The following SENP2 variants were observed in gnomAD, a reference collection of about 807,000 sequenced individuals.
SENP2 encodes the protein SUMO specific peptidase 2, also known as sentrin-specific protease 2.
A neutral mutation model predicts 86.3 loss-of-function variants in SENP2; 16 were observed. The observed-to-expected ratio is 0.19, with a 90% CI of 0.13 to 0.28. The LOEUF (loss-of-function observed/expected upper bound fraction) is 0.28. Among genes scored for constraint, SENP2 ranks in the 10% least tolerant of loss-of-function variants. The pLI is 1.00. For synonymous variants in SENP2, 222 were observed against 238.7 expected, an observed-to-expected ratio of 0.93 and a Z score of 0.64; for missense variants, 552 against 703.0, an observed-to-expected ratio of 0.79 and a Z score of 2.43.
intron 2 of SENP2, among the ~76,000 whole-genome samples, chr3:185,597,797 G>A (rs1168001272): frequency 6.6e-6 from 1 of 151,182 alleles, no homozygotes. Flanking sequence ...GGGATTATAG[G>A]GATGCGCCAC....
At chr3:185,612,946 G>T (rs1722743298) in intron 9 of SENP2, among the ~76,000 whole-genome samples, 1 of 152,222 alleles carries the variant, frequency 6.6e-6, no homozygotes, top group Non-Finnish European at 1.5e-5. Flanking sequence ...AGTGTCTTTA[G>T]GATAGGAACA....
intron 13 of SENP2, among the ~76,000 whole-genome samples, chr3:185,621,366 A>T (rs1577741991): frequency 7.1e-6 from 1 of 139,962 alleles, no homozygotes. Flanking sequence ...ATATAAGTGG[A>T]TATCGTTTTT....
Position 185,600,874 on chromosome 3 carries a change from C to T in SENP2, c.449+19C>T. On this transcript the variant is annotated intron_variant, in intron 5 of 16. Transcript: ENST00000296257. ...CCTTTGGGTAAGTGTTAAATTCTTT[C>T]TGTAAATGGAAACTTAGCATTTATT... is the stretch of plus-strand genomic sequence containing the variant. 6.5e-7 allele frequency: 1 copy of T among 1,541,498 alleles called. No individual in the cohort carries two copies. Among genetic ancestry groups the T allele is most frequent in the Non-Finnish European group, 9.0e-7 (1 of 1,115,712 alleles).
Position 185,586,401 on chromosome 3 carries a change from G to A in SENP2, c.-13G>A, listed in dbSNP as rs760867099. The A allele has an allele frequency of 1.7e-5, 27 of 1,613,682 alleles. 1 individual carries two copies. In the East Asian group the frequency reaches 5.3e-4, roughly 32 times the overall value. ...TCGGGGTGTGTCGGCCGCCGCTGCTGCTTGGGCCTGGTATGTACAGATGGC... is the reference window on the plus strand; with the variant it reads ...TCGGGGTGTGTCGGCCGCCGCTGCTACTTGGGCCTGGTATGTACAGATGGC... On this transcript the variant is annotated 5_prime_UTR_variant, in exon 1 of 17. Coordinates refer to ENST00000296257, the MANE Select transcript of SENP2 (RefSeq NM_021627.3). The surrounding 1 kb of genome is among the most constrained non-coding windows in gnomAD (Gnocchi z 4.3).
intron 2 of SENP2, among the ~76,000 whole-genome samples, chr3:185,592,294 T>G (rs1161565762): frequency 6.6e-6 from 1 of 151,884 alleles, no homozygotes; most frequent in East Asian, 1.9e-4. Context: ...CAGGCTGATC[T>G]TGGAACTCCT....
Position 185,612,648 on chromosome 3 carries a change from A to G in SENP2, c.859A>G (p.Ser287Gly). 6.2e-7 allele frequency: 1 copy of G among 1,606,306 alleles called. No homozygotes were observed. The highest frequency in any genetic ancestry group is 8.5e-7 in the Non-Finnish European group (1 of 1,173,046). Reference sequence around the variant, plus strand: ...AAGGGGACCTCTATGTTCATTGAGAAGTGAAAAGAGGTACGTACATTCAGT... The same window carrying G: ...AAGGGGACCTCTATGTTCATTGAGAGGTGAAAAGAGGTACGTACATTCAGT... ...ETRGPLCSLR[S>G]EKRCSKGKIT... The change falls in exon 9 of 17, where the codon AGT (serine) becomes GGT (glycine). Residue 287 changes from serine to glycine, a missense_variant. Physicochemically the swap from Ser to Gly is moderately conservative, Grantham distance 56. Coordinates refer to ENST00000296257, the MANE Select transcript of SENP2 (RefSeq NM_021627.3).
In SENP2 at chr3:185,629,807, A is replaced by T. The variant is rs560978165; in HGVS notation, c.1733A>T (p.Lys578Met). ...CACCAGATGCCTCTCTTCCGGAAGA[A>T]GATGGTGTGGGAAATCCTTCATCAG... ...TQHQMPLFRK[K>M]MVWEILHQQL... The change falls in exon 17 of 17, where the codon AAG becomes ATG. Residue 578 changes from lysine to methionine, a missense_variant. Transcript: ENST00000296257. 3.0e-5 allele frequency: 48 copies of T among 1,614,076 alleles called. No individual in the cohort carries two copies. The highest frequency in any genetic ancestry group is 3.9e-5 in the Non-Finnish European group (46 of 1,180,032).
chr3:185,624,329 T>C (rs932740111), intron 15 of SENP2, among the ~76,000 whole-genome samples: 1 of 152,048 alleles, frequency 6.6e-6, no homozygotes, highest in Non-Finnish European at 1.5e-5. Context: ...AGTCTACATC[T>C]TAAGAATGAT....
rs921265550 is a variant in SENP2, at chr3:185,586,669, G to C, written c.101+155G>C. The stretch of plus-strand genomic sequence containing the variant: ...GCTCCCGCCAGGCTGTAGGGAGGCA[G>C]CTCCTGATGAAGGAGGAGCTGGTCG... On this transcript the variant is annotated intron_variant, in intron 1 of 16. Coordinates refer to ENST00000296257, the MANE Select transcript of SENP2 (RefSeq NM_021627.3). This position sits in a 1 kb window ranked among gnomAD's most constrained non-coding sequence, Gnocchi z 4.3. Among the ~76,000 whole-genome samples the C allele has an allele frequency of 1.3e-5, 2 of 152,264 alleles. No individual in the cohort carries two copies. Among genetic ancestry groups the C allele is most frequent in the African/African-American group, 4.8e-5 (2 of 41,476 alleles).
intron 2 of SENP2, among the ~76,000 whole-genome samples, chr3:185,593,469 A>AAGCACAGG (rs1426221172): frequency 6.6e-6 from 1 of 152,162 alleles, no homozygotes; most frequent in Non-Finnish European, 1.5e-5. Context: ...GTATTTCCCA[A>AAGCACAGG]AGCACAGGAT....
intron 2 of SENP2, among the ~76,000 whole-genome samples, chr3:185,596,123 G>A (rs1292260386): frequency 1.3e-5 from 2 of 151,922 alleles, no homozygotes; most frequent in African/African-American, 2.4e-5. Context: ...GTGCCATGAC[G>A]CCCAGCTAAT....
chr3:185,627,709 C>A (rs781645741), intron 16 of SENP2, among the ~76,000 whole-genome samples: 28 of 152,016 alleles, frequency 1.8e-4, no homozygotes, highest in Non-Finnish European at 3.2e-4. Context: ...CCGCGCCTGG[C>A]CTGTTCTGCT....
chr3:185,586,635 G>GACT lies in SENP2; in HGVS notation c.101+123_101+124insTAC. On this transcript the variant is annotated intron_variant, in intron 1 of 16. Coordinates refer to ENST00000296257, the MANE Select transcript of SENP2 (RefSeq NM_021627.3). This position sits in a 1 kb window ranked among gnomAD's most constrained non-coding sequence, Gnocchi z 4.3. Reference sequence around the variant, plus strand: ...CGAAACAGGTCGCCGGGATCCTAGTGACGTAGTCGCTCCCGCCAGGCTGTA... The same window carrying GACT: ...CGAAACAGGTCGCCGGGATCCTAGTGACTACGTAGTCGCTCCCGCCAGGCTGTA... The GACT allele has an allele frequency of 1.1e-6, 1 of 883,886 alleles. No homozygotes were observed. Among genetic ancestry groups the GACT allele is most frequent in the Non-Finnish European group, 1.8e-6 (1 of 567,382 alleles). 54.8% of individuals were successfully genotyped at this position (883,886 alleles called of 1,614,324 possible).
At chr3:185,619,610 A>T (rs1294099154) in intron 13 of SENP2, 108 bp downstream of exon 13, 8 of 739,318 alleles carry the variant, frequency 1.1e-5, no homozygotes, top group Non-Finnish European at 1.7e-5. Flanking sequence ...AGTATATATT[A>T]TAAGCATACT....
intron 2 of SENP2, among the ~76,000 whole-genome samples, chr3:185,592,133 C>T (rs1382166590): frequency 6.8e-6 from 1 of 148,122 alleles, no homozygotes; most frequent in Non-Finnish European, 1.5e-5. Flanking sequence ...GGCTTCAGTG[C>T]AGTGGCACGA....
intron 2 of SENP2, among the ~76,000 whole-genome samples, chr3:185,597,020 ATTTTTGTATTT>A (rs1464870571): frequency 1.3e-5 from 2 of 151,884 alleles, no homozygotes; most frequent in African/African-American, 4.8e-5. Flanking sequence ...AGCCCAGCTA[ATTTTTGTATTT>A]TTTTTAGAGA....
chr3:185,586,618 G>T lies in SENP2; in HGVS notation c.101+104G>T. Reference sequence around the variant, plus strand: ...ATTCAGCCAGGCTCACCCGAAACAGGTCGCCGGGATCCTAGTGACGTAGTC... The same window carrying T: ...ATTCAGCCAGGCTCACCCGAAACAGTTCGCCGGGATCCTAGTGACGTAGTC... On this transcript the variant is annotated intron_variant, in intron 1 of 16. Coordinates refer to ENST00000296257, the MANE Select transcript of SENP2 (RefSeq NM_021627.3). This position sits in a 1 kb window ranked among gnomAD's most constrained non-coding sequence, Gnocchi z 4.3. The T allele has an allele frequency of 9.2e-7, 1 of 1,090,502 alleles. No individual in the cohort carries two copies. Among genetic ancestry groups the T allele is most frequent in the Non-Finnish European group, 1.4e-6 (1 of 738,784 alleles). 67.6% of individuals were successfully genotyped at this position (1,090,502 alleles called of 1,614,324 possible).
intron 15 of SENP2, among the ~76,000 whole-genome samples, chr3:185,625,971 A>G (rs753960615): frequency 6.6e-6 from 1 of 152,102 alleles, no homozygotes; most frequent in Non-Finnish European, 1.5e-5. Flanking sequence ...ACTCCATCTC[A>G]TAGTTAGGGT....
At chr3:185,609,886 C>G (rs1722629769) in intron 7 of SENP2, among the ~76,000 whole-genome samples, 1 of 152,086 alleles carries the variant, frequency 6.6e-6, no homozygotes, top group Non-Finnish European at 1.5e-5. Flanking sequence ...CCACTAGAGA[C>G]AAGATTAAAG....
Sources: allele counts gnomAD v4.1 joint callset (sites outside exome capture counted in the v4.1 genomes callset), GRCh38; gene constraint gnomAD v4.1.1; non-coding constraint Gnocchi (gnomAD v3.1); transcripts MANE v1.5; gene names NCBI Gene and HGNC (gene_info 2026-07-23, HGNC 2026-07-21).